SCAPER: variants seen among roughly 807,000 people sequenced by gnomAD.
The protein encoded by SCAPER is S-phase cyclin A associated protein in the ER.
A neutral mutation model predicts 182.2 loss-of-function variants in SCAPER; 98 were observed. The observed-to-expected ratio is 0.54, with a 90% confidence interval of 0.46 to 0.64. The LOEUF is 0.64. Ranked by LOEUF, SCAPER falls within the 30% of genes least tolerant of loss-of-function variation. The pLI, the probability that SCAPER is intolerant of heterozygous loss-of-function variation, is 0.00. For synonymous variants in SCAPER, 605 were observed against 564.6 expected (o/e 1.07, Z -1.01); for missense variants, 1,432 against 1,690.0 (o/e 0.85, Z 2.68).
At chr15:76,744,021 A>G (rs1277872724) in intron 15 of SCAPER, among the ~76,000 whole-genome samples, 1 of 152,204 alleles carries the variant, frequency 6.6e-6, no homozygotes, top group African/African-American at 2.4e-5. Context: ...CAAGGTCAAC[A>G]AAAACAAGCA....
rs2040820176 is a variant in SCAPER, at chr15:76,354,449, T to C, written c.3856-309A>G. On this transcript the variant is annotated intron_variant, in intron 29 of 31. Transcript: ENST00000563290. The surrounding 1 kb of genome is among the most constrained non-coding windows in gnomAD (Gnocchi z 4.4). The stretch of plus-strand genomic sequence containing the variant: ...GAAATGGATTCAGAATGCACATTGC[T>C]TTAACAAAGTGCTCCCCACACCCCC... 1 of 270,158 alleles carries C rather than the reference T, an allele frequency of 3.7e-6. No individual in the cohort carries two copies. The highest frequency in any genetic ancestry group is 6.9e-6 in the Non-Finnish European group (1 of 144,830). 16.7% of individuals were successfully genotyped at this position (270,158 alleles called of 1,614,324 possible).
chr15:76,431,511 CTACTTCAGGGA>C (rs1567125842), intron 26 of SCAPER, among the ~76,000 whole-genome samples: 1 of 151,800 alleles, frequency 6.6e-6, no homozygotes, highest in Non-Finnish European at 1.5e-5. Flanking sequence ...TGCTCCTGCT[CTACTTCAGGGA>C]TACAGCCAGA....
rs964751522 is a variant in SCAPER, at chr15:76,691,464, A to G, written c.2508+10294T>C. Among the ~76,000 whole-genome samples, 4 of 152,162 alleles carry G rather than the reference A, an allele frequency of 2.6e-5. No individual in the cohort carries two copies. In the South Asian group the frequency reaches 8.3e-4, roughly 31 times the overall value. On this transcript the variant is annotated intron_variant, in intron 20 of 31. Coordinates refer to ENST00000563290, the MANE Select transcript of SCAPER (RefSeq NM_020843.4). ...TCAAACGGTTATTTTTGAACTGAAC[A>G]ACTTAACTGCAAAGGCGATACACAA...
rs550922242 is a variant in SCAPER at position 76,359,904 on chromosome 15, A to G, written c.3856-5764T>C. On this transcript the variant is annotated intron_variant, in intron 29 of 31. Transcript: ENST00000563290. ...CAGGGGGCCCCTAGTTAACAAACTAATTGGTGCCTTGACTTGGGGTAGAAT... is the reference window on the plus strand; with the variant it reads ...CAGGGGGCCCCTAGTTAACAAACTAGTTGGTGCCTTGACTTGGGGTAGAAT... Among the ~76,000 whole-genome samples, 5 of 152,318 alleles carry G rather than the reference A, an allele frequency of 3.3e-5. No individual in the cohort carries two copies. In the East Asian group the frequency reaches 7.7e-4, roughly 24 times the overall value.
At chr15:76,359,733 T>G (rs1014387369) in intron 29 of SCAPER, among the ~76,000 whole-genome samples, 2 of 152,208 alleles carry the variant, frequency 1.3e-5, no homozygotes, top group Admixed American at 6.5e-5. Context: ...TGGCAGCAAC[T>G]ATCACATAAC....
chr15:76,787,674 C>G (rs954268905), intron 8 of SCAPER, among the ~76,000 whole-genome samples: 1 of 152,058 alleles, frequency 6.6e-6, no homozygotes, highest in South Asian at 2.1e-4. Flanking sequence ...AGGCAAAAAA[C>G]GAACCTTCAC....
intron 23 of SCAPER, among the ~76,000 whole-genome samples, chr15:76,557,808 A>G (rs1249510029): frequency 6.6e-6 from 1 of 152,182 alleles, no homozygotes; most frequent in Non-Finnish European, 1.5e-5. Context: ...AGATACATAG[A>G]CCAATGGAAT....
chr15:76,443,092 A>G (rs1487743892), intron 25 of SCAPER, among the ~76,000 whole-genome samples: 1 of 152,222 alleles, frequency 6.6e-6, no homozygotes, highest in African/African-American at 2.4e-5. Context: ...GTGGACCTTG[A>G]TGAATGGAGA....
intron 23 of SCAPER, among the ~76,000 whole-genome samples, chr15:76,529,448 GTCA>G (rs2144509348): frequency 6.6e-6 from 1 of 152,326 alleles, no homozygotes; most frequent in East Asian, 1.9e-4. Flanking sequence ...GGGGAAGAAA[GTCA>G]TTAGCAATAT....
intron 25 of SCAPER, among the ~76,000 whole-genome samples, chr15:76,452,403 A>G (rs186113107): frequency 2.0e-4 from 30 of 152,348 alleles, no homozygotes; most frequent in Admixed American, 1.8e-3. Flanking sequence ...CTAAATCTTC[A>G]TATTAAATAA....
chr15:76,456,384 T>C (rs2048735682), intron 25 of SCAPER, among the ~76,000 whole-genome samples: 1 of 152,248 alleles, frequency 6.6e-6, no homozygotes, highest in Non-Finnish European at 1.5e-5. Context: ...TCAAAATATT[T>C]TCTCATTTCT....
chr15:76,441,089 T>C (rs1333871320), intron 25 of SCAPER, among the ~76,000 whole-genome samples: 1 of 151,476 alleles, frequency 6.6e-6, no homozygotes, highest in Non-Finnish European at 1.5e-5. Context: ...GCCCGGCTAA[T>C]TTTTTGTATT....
intron 25 of SCAPER, among the ~76,000 whole-genome samples, chr15:76,460,543 G>A (rs916792019): frequency 4.6e-5 from 7 of 151,972 alleles, no homozygotes; most frequent in South Asian, 4.1e-4. Flanking sequence ...TTGAATCTGC[G>A]TATTTATGTC....
chr15:76,423,713 G>T (rs1596540526), intron 26 of SCAPER, among the ~76,000 whole-genome samples: 1 of 152,120 alleles, frequency 6.6e-6, no homozygotes, highest in Non-Finnish European at 1.5e-5. Context: ...TGTGATGTTA[G>T]GGTGTCAATT....
At chr15:76,727,542 G>C (rs148197642) in intron 17 of SCAPER, among the ~76,000 whole-genome samples, 27 of 152,138 alleles carry the variant, frequency 1.8e-4, no homozygotes, top group African/African-American at 6.5e-4. Flanking sequence ...TCCACATGGA[G>C]AAAATGAAGT....
chr15:76,397,474 C>CTTTTTTTTTTTTTTTTT (rs71143321), intron 27 of SCAPER, among the ~76,000 whole-genome samples: 1 of 71,540 alleles, frequency 1.4e-5, no homozygotes. Context: ...TATTGGCAGA[C>CTTTTTTTTTTTTTTTTT]TTTTTTTTTT....
At chr15:76,901,560 AGATT>A (rs2074786178) in intron 1 of SCAPER, among the ~76,000 whole-genome samples, 9 of 152,256 alleles carry the variant, frequency 5.9e-5, no homozygotes, top group Admixed American at 5.9e-4. Flanking sequence ...TTTTTGAAAT[AGATT>A]GATACATAGC....
At chr15:76,387,755 A>C (rs763814945) in intron 27 of SCAPER, among the ~76,000 whole-genome samples, 6 of 152,234 alleles carry the variant, frequency 3.9e-5, no homozygotes, top group Non-Finnish European at 7.3e-5. Context: ...CCTACAAATA[A>C]ACATGAGGAC....
chr15:76,359,912 C>T (rs527554636), intron 29 of SCAPER, among the ~76,000 whole-genome samples: 1 of 152,258 alleles, frequency 6.6e-6, no homozygotes, highest in East Asian at 1.9e-4. Context: ...TAATTGGTGC[C>T]TTGACTTGGG....
Sources: allele counts gnomAD v4.1 joint callset (sites outside exome capture counted in the v4.1 genomes callset), GRCh38; gene constraint gnomAD v4.1.1; non-coding constraint Gnocchi (gnomAD v3.1); transcripts MANE v1.5; gene names NCBI Gene and HGNC (gene_info 2026-07-23, HGNC 2026-07-21).